GRIK3: variants seen among roughly 807,000 people sequenced by gnomAD.
GRIK3 encodes glutamate receptor ionotropic, kainate 3.
In GRIK3, 29 loss-of-function variants were observed where a neutral mutation model predicts 102.5. That is an observed-to-expected ratio of 0.28 (90% confidence interval 0.21 to 0.39). The LOEUF is 0.39. Ranked by LOEUF, GRIK3 falls within the 10% of genes least tolerant of loss-of-function variation. The pLI is 1.00. For missense variants in GRIK3, 908 were observed against 1,252.4 expected (o/e 0.73, Z 4.15); for synonymous variants, 511 against 504.9 (o/e 1.01, Z -0.16).
intron 14 of GRIK3, 90 bp from the exon 15 acceptor site, chr1:36,805,327 C>T: frequency 1.5e-6 from 2 of 1,366,038 alleles, no homozygotes; most frequent in Non-Finnish European, 2.0e-6. Flanking sequence ...GTCACCACCA[C>T]TAGCCCTCTG....
chr1:37,021,306 G>C (rs1642712974), intron 1 of GRIK3, among the ~76,000 whole-genome samples: 1 of 152,036 alleles, frequency 6.6e-6, no homozygotes, highest in Non-Finnish European at 1.5e-5. Flanking sequence ...AAAAAAAATG[G>C]GGACAGGTAG....
chr1:36,924,154 A>G (rs535167950), intron 1 of GRIK3, among the ~76,000 whole-genome samples: 44 of 152,220 alleles, frequency 2.9e-4, no homozygotes, highest in African/African-American at 9.9e-4. Context: ...TTAATCCACA[A>G]AATCGGTTTT....
At position 36,850,111 on chromosome 1, in the gene GRIK3, G is replaced by A. The variant is rs1341102782; in HGVS notation, c.1326+200C>T. ...GTGAGTGGGAGTGAGACACAAAAAC[G>A]CAGCGGCTTCCGCCCGTGGCAGCGA... On this transcript the variant is annotated intron_variant, in intron 9 of 15. Transcript: ENST00000373091. This position sits in a 1 kb window ranked among gnomAD's most constrained non-coding sequence, Gnocchi z 4.0. The A allele has an allele frequency of 3.0e-5, 17 of 563,648 alleles. No individual in the cohort carries two copies. Among genetic ancestry groups the A allele is most frequent in the Non-Finnish European group, 3.2e-6 (1 of 315,578 alleles). 34.9% of individuals were successfully genotyped at this position (563,648 alleles called of 1,614,324 possible).
At chr1:36,953,833 A>G (rs929289221) in intron 1 of GRIK3, among the ~76,000 whole-genome samples, 1 of 152,166 alleles carries the variant, frequency 6.6e-6, no homozygotes, top group African/African-American at 2.4e-5. Flanking sequence ...CAATCAAAGC[A>G]TGGCCCTGAA....
chr1:36,984,927 G>A (rs1281765973), intron 1 of GRIK3, among the ~76,000 whole-genome samples: 1 of 152,198 alleles, frequency 6.6e-6, no homozygotes, highest in Admixed American at 6.5e-5. Context: ...GGGCCAGGCT[G>A]GACAGCAGGG....
chr1:36,997,523 C>T (rs747282770), intron 1 of GRIK3, among the ~76,000 whole-genome samples: 4 of 152,178 alleles, frequency 2.6e-5, no homozygotes, highest in Non-Finnish European at 5.9e-5. Flanking sequence ...CAGGGGGGCA[C>T]GCGAGCTCTA....
rs551283973 is a variant in GRIK3, at chr1:36,906,290, T to C, written c.116-15194A>G. ...CATGCTTCAGTCCCAAACCTAGCTC[T>C]ATCCACTGGAGGAAGTTACTCAGAC... On this transcript the variant is annotated intron_variant, in intron 1 of 15. Coordinates refer to ENST00000373091, the MANE Select transcript of GRIK3 (RefSeq NM_000831.4). Among the ~76,000 whole-genome samples, 20 of 152,238 alleles carry C rather than the reference T, an allele frequency of 1.3e-4. 1 individual carries two copies. The highest frequency in any genetic ancestry group is 4.8e-4 in the African/African-American group (20 of 41,570).
At chr1:36,854,544 G>A (rs1002869638) in intron 7 of GRIK3, among the ~76,000 whole-genome samples, 6 of 152,172 alleles carry the variant, frequency 3.9e-5, no homozygotes, top group East Asian at 3.8e-4. Flanking sequence ...GCGTCCTATG[G>A]CTAGCGGGTC....
At chr1:36,916,069 T>A (rs1641395827) in intron 1 of GRIK3, among the ~76,000 whole-genome samples, 1 of 152,182 alleles carries the variant, frequency 6.6e-6, no homozygotes, top group South Asian at 2.1e-4. Flanking sequence ...ATATCGTCAA[T>A]GAAATTCAGG....
At chr1:37,026,989 G>T (rs1642770549) in intron 1 of GRIK3, among the ~76,000 whole-genome samples, 1 of 152,046 alleles carries the variant, frequency 6.6e-6, no homozygotes, top group Non-Finnish European at 1.5e-5. Flanking sequence ...ATGGGGGAGA[G>T]ATGGCCTGAG....
In GRIK3 at chr1:36,841,763, G is replaced by A. The variant is rs773747037; in HGVS notation, c.1503C>T (p.Asn501=). The change falls in exon 10 of 16, where the codon AAC becomes AAT. Residue 501 remains asparagine (N), a synonymous_variant. Coordinates refer to ENST00000373091, the MANE Select transcript of GRIK3 (RefSeq NM_000831.4). ...GGTCGATGAGCTCCTTGACCATGCCGTTCCACTGGCCCTTGTCATCCTGTG... is the reference window on the plus strand; with the variant it reads ...GGTCGATGAGCTCCTTGACCATGCCATTCCACTGGCCCTTGTCATCCTGTG... ...YGAQDDKGQW[N]GMVKELIDHK... 35 of 1,613,966 alleles carry A rather than the reference G, an allele frequency of 2.2e-5. No homozygotes were observed. The highest frequency in any genetic ancestry group is 1.6e-4 in the Middle Eastern group (1 of 6,084).
intron 3 of GRIK3, among the ~76,000 whole-genome samples, chr1:36,876,631 G>C (rs1371960969): frequency 6.6e-6 from 1 of 152,134 alleles, no homozygotes; most frequent in Non-Finnish European, 1.5e-5. Context: ...CATCCTGATG[G>C]ACACAATCTC....
chr1:36,931,788 G>C (rs555643258), intron 1 of GRIK3, among the ~76,000 whole-genome samples: 1 of 152,080 alleles, frequency 6.6e-6, no homozygotes, highest in East Asian at 1.9e-4. Flanking sequence ...TCTCAATGCT[G>C]TGTCTCTGGC....
chr1:36,959,429 A>C, intron 1 of GRIK3, among the ~76,000 whole-genome samples: 1 of 104,396 alleles, frequency 9.6e-6, no homozygotes, highest in African/African-American at 3.5e-5. Context: ...TGAGTCTGTG[A>C]GTCTGTGCCC....
chr1:37,021,277 C>T (rs1377017378), intron 1 of GRIK3, among the ~76,000 whole-genome samples: 1 of 152,066 alleles, frequency 6.6e-6, no homozygotes, highest in Admixed American at 6.5e-5. Flanking sequence ...CTGTCTTCAG[C>T]ATCCCAACCC....
chr1:36,803,700 A>G (rs1460880219), intron 15 of GRIK3, among the ~76,000 whole-genome samples: 3 of 152,194 alleles, frequency 2.0e-5, no homozygotes, highest in Non-Finnish European at 4.4e-5. Flanking sequence ...AAGTGCTGTG[A>G]TTACAGGCGT....
intron 3 of GRIK3, among the ~76,000 whole-genome samples, chr1:36,878,289 A>G (rs911617220): frequency 3.9e-5 from 6 of 152,220 alleles, no homozygotes; most frequent in Non-Finnish European, 5.9e-5. Flanking sequence ...GTGCCCCTCA[A>G]TGGCAAGGTC....
chr1:36,841,591 C>G (rs529445846), intron 10 of GRIK3, 145 bp downstream of exon 10: 11 of 693,562 alleles, frequency 1.6e-5, no homozygotes, highest in Non-Finnish European at 2.5e-5. Flanking sequence ...TGAGGCCCCC[C>G]AGTCCTCAAG....
chr1:36,836,654 T>C (rs1344143509), intron 10 of GRIK3, among the ~76,000 whole-genome samples: 3 of 152,234 alleles, frequency 2.0e-5, no homozygotes. Flanking sequence ...CCATACTTCA[T>C]CTTGGTCCAG....
Sources: gnomAD v4.1 joint callset for allele counts (sites outside exome capture counted in the v4.1 genomes callset) on GRCh38, gnomAD v4.1.1 for gene constraint, Gnocchi (gnomAD v3.1) non-coding constraint, MANE v1.5 for transcripts, NCBI Gene and HGNC (gene_info 2026-07-23, HGNC 2026-07-21) for gene names.